Variants in PI4K2A observed in about 807,000 individuals in gnomAD.
PI4K2A encodes phosphatidylinositol 4-kinase type 2-alpha.
In PI4K2A, 20 loss-of-function variants were observed where a neutral mutation model predicts 55.0. The ratio of observed to expected loss-of-function variants is 0.36; its 90% CI spans 0.26 to 0.53. The LOEUF (loss-of-function observed/expected upper bound fraction) is 0.53, where lower values mean the gene tolerates loss of function less well. Ranked by LOEUF, PI4K2A falls within the 20% of genes least tolerant of loss-of-function variation. The probability of loss-of-function intolerance (pLI) is 0.91; values close to 1 mark genes in which losing one functional copy is unlikely to be tolerated. For synonymous variants in PI4K2A, 235 were observed against 258.5 expected, an observed-to-expected ratio of 0.91 and a Z score of 0.87; for missense variants, 463 against 637.1, an observed-to-expected ratio of 0.73 and a Z score of 2.94.
chr10:97,643,293 T>C (rs1389559692), intron 1 of PI4K2A, among the ~76,000 whole-genome samples: 1 of 152,122 alleles, frequency 6.6e-6, no homozygotes, highest in Non-Finnish European at 1.5e-5. Flanking sequence ...CTGTCCTTTT[T>C]TTGTGGGCAG....
At chr10:97,663,548 G>A (rs895327558) in intron 5 of PI4K2A, among the ~76,000 whole-genome samples, 3 of 149,628 alleles carry the variant, frequency 2.0e-5, no homozygotes, top group African/African-American at 4.9e-5. Context: ...AGGGTTGGCC[G>A]GGCATGGTGA....
chr10:97,654,147 C>T (rs188660022), intron 2 of PI4K2A, among the ~76,000 whole-genome samples: 6 of 152,318 alleles, frequency 3.9e-5, no homozygotes, highest in African/African-American at 9.6e-5. Context: ...TGTCTCTGCT[C>T]TCTGCTCCTA....
chr10:97,651,496 G>C (rs964961449), intron 2 of PI4K2A, among the ~76,000 whole-genome samples: 4 of 152,132 alleles, frequency 2.6e-5, no homozygotes, highest in Non-Finnish European at 5.9e-5. Flanking sequence ...CCAGCATTTC[G>C]ATACAGTCTA....
At chr10:97,663,827 A>T (rs1399286598) in intron 5 of PI4K2A, among the ~76,000 whole-genome samples, 3 of 41,626 alleles carry the variant, frequency 7.2e-5, no homozygotes, top group Non-Finnish European at 1.3e-4. Flanking sequence ...CTCAAAAATT[A>T]AAAAAAAAAA....
At chr10:97,668,451 G>A (rs11189315) in intron 8 of PI4K2A, among the ~76,000 whole-genome samples, 26,697 of 151,974 alleles carry the variant, frequency 0.18, 2,512 homozygotes, top group Non-Finnish European at 0.21. Context: ...GGTGGCGCAC[G>A]CCTGTAATCC....
chr10:97,662,037 T>C (rs1321838711), intron 4 of PI4K2A, among the ~76,000 whole-genome samples: 1 of 151,958 alleles, frequency 6.6e-6, no homozygotes, highest in East Asian at 1.9e-4. Context: ...ACAATTTGTT[T>C]AGACATGGGG....
intron 5 of PI4K2A, among the ~76,000 whole-genome samples, 175 bp from the exon 6 acceptor site, chr10:97,664,710 C>T (rs1160534330): frequency 6.6e-6 from 1 of 152,172 alleles, no homozygotes; most frequent in East Asian, 1.9e-4. Context: ...AGGTCAGAGG[C>T]ACCAAAATGT....
exon 1 of PI4K2A, chr10:97,641,113 G>A: frequency 6.2e-7 from 1 of 1,609,328 alleles, no homozygotes. Flanking sequence ...ATCGAGCGCT[G>A]CATCTTTCCC....
intron 1 of PI4K2A, among the ~76,000 whole-genome samples, chr10:97,647,674 C>T (rs749708503): frequency 3.5e-4 from 53 of 152,152 alleles, no homozygotes; most frequent in Non-Finnish European, 6.2e-4. Flanking sequence ...CACTTGTCTC[C>T]CCTTCTGTCT....
intron 1 of PI4K2A, among the ~76,000 whole-genome samples, chr10:97,649,342 C>T (rs186888921): frequency 6.6e-6 from 1 of 152,296 alleles, no homozygotes; most frequent in African/African-American, 2.4e-5. Flanking sequence ...AGAAAACACT[C>T]AGGAGGGAGG....
exon 1 of PI4K2A, chr10:97,640,951 C>A: frequency 6.9e-7 from 1 of 1,458,030 alleles, no homozygotes; most frequent in South Asian, 1.4e-5. Context: ...GGCGCGGCGG[C>A]CCAGGGCCAG....
exon 9 of PI4K2A, chr10:97,673,913 G>A (rs1564778314): frequency 6.5e-6 from 4 of 612,760 alleles, no homozygotes; most frequent in Non-Finnish European, 1.1e-5. Context: ...GCACAATCAG[G>A]AACAGTGAGT....
chr10:97,650,004 T>C (rs2041523064), intron 1 of PI4K2A, among the ~76,000 whole-genome samples: 1 of 152,154 alleles, frequency 6.6e-6, no homozygotes, highest in Non-Finnish European at 1.5e-5. Context: ...GTGTGCATAA[T>C]GTAACTTCGG....
intron 1 of PI4K2A, among the ~76,000 whole-genome samples, chr10:97,644,346 G>A (rs897453885): frequency 4.0e-5 from 6 of 149,496 alleles, no homozygotes; most frequent in South Asian, 2.1e-4. Flanking sequence ...GTGAGACTCC[G>A]TCTCAAAAAC....
chr10:97,640,945 C>T (rs1187378782), exon 1 of PI4K2A: 13 of 1,396,022 alleles, frequency 9.3e-6, no homozygotes, highest in African/African-American at 3.1e-5. Flanking sequence ...GCCCGGGGCG[C>T]GGCGGCCCAG....
chr10:97,673,085 C>T (rs998541636), intron 8 of PI4K2A, among the ~76,000 whole-genome samples: 19 of 151,820 alleles, frequency 1.3e-4, no homozygotes, highest in African/African-American at 4.1e-4. Flanking sequence ...CTCCCGGGTT[C>T]GAGCAATTCT....
intron 4 of PI4K2A, among the ~76,000 whole-genome samples, chr10:97,662,051 C>T (rs1050143675): frequency 4.6e-5 from 7 of 151,876 alleles, no homozygotes; most frequent in African/African-American, 1.2e-4. Context: ...CATGGGGTCT[C>T]GCTATTTTGC....
exon 9 of PI4K2A, chr10:97,675,984 C>G (rs2041662536): frequency 6.6e-6 from 1 of 152,608 alleles, no homozygotes; most frequent in Non-Finnish European, 1.5e-5. Flanking sequence ...TTCTTCTAAT[C>G]CAATGTAGAA....
intron 4 of PI4K2A, among the ~76,000 whole-genome samples, 197 bp from the exon 5 acceptor site, chr10:97,662,710 A>T (rs75790345): frequency 0.024 from 3,724 of 152,236 alleles, 101 homozygotes; most frequent in South Asian, 0.096. Flanking sequence ...TTTCTCTCCC[A>T]TATCTTCACT....
Sources: gnomAD v4.1 joint callset for allele counts (sites outside exome capture counted in the v4.1 genomes callset) on GRCh38, gnomAD v4.1.1 for gene constraint, MANE v1.5 for transcripts, NCBI Gene and HGNC (gene_info 2026-07-23, HGNC 2026-07-21) for gene names.